The following AHNAK variants were observed in gnomAD, a reference collection of about 807,000 sequenced individuals.
AHNAK encodes the protein neuroblast differentiation-associated protein AHNAK.
A neutral mutation model predicts 37.8 loss-of-function variants in AHNAK; 23 were observed. The ratio of observed to expected loss-of-function variants is 0.61; its 90% CI spans 0.44 to 0.86. The LOEUF is 0.86. Ranked by LOEUF, AHNAK falls within the 40% of genes least tolerant of loss-of-function variation. The pLI is 0.00. For synonymous variants in AHNAK, 2,481 were observed against 2,636.3 expected (o/e 0.94, Z 1.80); for missense variants, 7,411 against 7,319.4 (o/e 1.01, Z -0.46).
intron 5 of AHNAK, among the ~76,000 whole-genome samples, chr11:62,439,019 A>C (rs997630203): frequency 1.3e-5 from 2 of 151,698 alleles, no homozygotes; most frequent in African/African-American, 4.8e-5. Flanking sequence ...AGCGGCCCTT[A>C]ACAGAGGTGG....
At chr11:62,490,793 T>G (rs943968404) in intron 5 of AHNAK, among the ~76,000 whole-genome samples, 1 of 150,264 alleles carries the variant, frequency 6.7e-6, no homozygotes, top group Admixed American at 6.6e-5. Context: ...TTGTTTTGTT[T>G]TGTTTTTTTG....
At chr11:62,475,597 T>C (rs1375588309) in intron 5 of AHNAK, among the ~76,000 whole-genome samples, 1 of 84,426 alleles carries the variant, frequency 1.2e-5, no homozygotes, top group East Asian at 2.6e-4. Flanking sequence ...TGTGGTTATG[T>C]TATACTTTTT....
Position 62,516,829 on chromosome 11 carries a change from G to A in AHNAK, c.17588C>T (p.Ser5863Phe). The change falls in exon 5 of 5, where the codon TCC (serine) becomes TTC (phenylalanine). Residue 5863 changes from serine (S) to phenylalanine (F), a missense_variant. By Grantham distance (155) the Ser-to-Phe change is radical (BLOSUM62 -2). Coordinates refer to ENST00000378024, the MANE Select transcript of AHNAK (RefSeq NM_001620.3). ...CCCACTGTCATTGCTAGAAGAGGAG[G>A]ACAGTCGGGACTTCTTAGAGGCCAG... ...VSLASKKSRLSSSSSNDSGNK... is the reference protein window; with the variant it reads ...VSLASKKSRLFSSSSNDSGNK... 6.2e-7 allele frequency: 1 copy of A among 1,614,200 alleles called. No homozygotes were observed. Among genetic ancestry groups the A allele is most frequent in the East Asian group, 2.2e-5 (1 of 44,880 alleles).
chr11:62,435,551 T>A (rs1318837035), intron 5 of AHNAK, among the ~76,000 whole-genome samples: 1 of 151,892 alleles, frequency 6.6e-6, no homozygotes, highest in Non-Finnish European at 1.5e-5. Context: ...AGCTGGGGAC[T>A]ACAGGCGCCC....
Position 62,523,990 on chromosome 11 carries a change from T to G in AHNAK, c.10427A>C (p.Lys3476Thr), listed in dbSNP as rs1464315838. ...HGPDWNLKMP[K>T]MKMPKFSVSG... ...CACACTGAATTTGGGCATTTTCATC[T>G]TGGGCATTTTCAGATTCCAGTCTGG... The change falls in exon 5 of 5, where the codon AAG becomes ACG. Residue 3476 changes from lysine (K) to threonine (T), a missense_variant. Physicochemically the swap from Lys to Thr is moderately conservative, Grantham distance 78. Coordinates refer to ENST00000378024, the MANE Select transcript of AHNAK (RefSeq NM_001620.3). The G allele has an allele frequency of 6.2e-7, 1 of 1,614,162 alleles. No individual in the cohort carries two copies. Among genetic ancestry groups the G allele is most frequent in the Non-Finnish European group, 8.5e-7 (1 of 1,180,036 alleles).
chr11:62,479,873 A>G (rs1464068977), intron 5 of AHNAK, among the ~76,000 whole-genome samples: 1 of 152,212 alleles, frequency 6.6e-6, no homozygotes, highest in Non-Finnish European at 1.5e-5. Context: ...AAGTGGCTTT[A>G]GGGAATATTC....
At chr11:62,508,603 G>A (rs974512523) in intron 4 of AHNAK, among the ~76,000 whole-genome samples, 7 of 152,260 alleles carry the variant, frequency 4.6e-5, no homozygotes, top group Admixed American at 1.3e-4. Flanking sequence ...GGCATTTAAA[G>A]GGAAATGAAA....
In AHNAK at chr11:62,525,262, T is replaced by C. The variant is rs192406056; in HGVS notation, c.9155A>G (p.Asp3052Gly). Residue 3052 changes from aspartate to glycine, a missense_variant, in exon 5 of 5, where the codon GAT becomes GGT. Asp to Gly is a moderately conservative substitution (Grantham distance 94, BLOSUM62 -1). Transcript: ENST00000378024. The part of the protein sequence containing the change: ...VDVNLPKADL[D>G]VSGPKVDIDV... The stretch of plus-strand genomic sequence containing the variant: ...AATGTCCACCTTGGGTCCTGAGACA[T>C]CAAGGTCAGCCTTGGGCAGGTTCAC... 1.5e-4 allele frequency: 238 copies of C among 1,613,058 alleles called. No individual in the cohort carries two copies. Among genetic ancestry groups the C allele is most frequent in the Non-Finnish European group, 1.9e-4 (228 of 1,179,806 alleles).
chr11:62,500,651 A>G (rs1484636815), intron 4 of AHNAK, among the ~76,000 whole-genome samples: 1 of 152,200 alleles, frequency 6.6e-6, no homozygotes, highest in Non-Finnish European at 1.5e-5. Flanking sequence ...AAATCGAGCT[A>G]TAGAACCGCC....
chr11:62,507,183 A>G (rs1451453963), intron 4 of AHNAK, among the ~76,000 whole-genome samples: 1 of 152,172 alleles, frequency 6.6e-6, no homozygotes, highest in Admixed American at 6.6e-5. Flanking sequence ...TGGGCTTTTC[A>G]GTCAGCACAG....
intron 4 of AHNAK, among the ~76,000 whole-genome samples, chr11:62,502,157 C>G (rs1939724032): frequency 6.6e-6 from 1 of 152,062 alleles, no homozygotes; most frequent in African/African-American, 2.4e-5. Context: ...GGCTTCAGGT[C>G]CTCGACTTCA....
rs1180695029 is a variant in AHNAK at position 62,524,189 on chromosome 11, T to C, written c.10228A>G (p.Ile3410Val). The change falls in exon 5 of 5, where the codon ATT (isoleucine) becomes GTT (valine). Residue 3410 changes from isoleucine to valine, a missense_variant. Ile to Val is a conservative substitution (Grantham distance 29, BLOSUM62 3). Transcript: ENST00000378024. ...GSKFKMPFLS[I>V]SSPKVSMPDV... ...GGCATAGAAACTTTGGGAGATGAAA[T>C]ACTCAGGAAAGGCATTTTAAACTTG... The C allele has an allele frequency of 2.5e-6, 4 of 1,613,750 alleles. No homozygotes were observed. Among genetic ancestry groups the C allele is most frequent in the East Asian group, 2.2e-5 (1 of 44,886 alleles).
In AHNAK at chr11:62,531,054, G is replaced by A. The variant is rs749715235; in HGVS notation, c.3363C>T (p.Asp1121=). 2.2e-5 allele frequency: 36 copies of A among 1,613,796 alleles called. No individual in the cohort carries two copies. In the South Asian group the frequency reaches 3.7e-4, roughly 17 times the overall value. The change falls in exon 5 of 5, where the codon GAC becomes GAT. Residue 1121 remains aspartate, a synonymous_variant. Transcript: ENST00000378024. ...TCATCTTGGGTATTTTCAGGCTCCA[G>A]TCCAGGCCTTGGCCTTCCACATCTG... ...KAPDVEGQGL[D]WSLKIPKMKM...
intron 5 of AHNAK, among the ~76,000 whole-genome samples, chr11:62,446,784 C>T (rs954525796): frequency 6.6e-6 from 1 of 152,030 alleles, no homozygotes; most frequent in African/African-American, 2.4e-5. Flanking sequence ...ATGCCTCCTT[C>T]AGGACGTGGG....
At position 62,526,294 on chromosome 11, in the gene AHNAK, G is replaced by A. The variant is rs1484605104; in HGVS notation, c.8123C>T (p.Ser2708Phe). Residue 2708 changes from serine (S) to phenylalanine (F), a missense_variant, in exon 5 of 5, where the codon TCC becomes TTC. Transcript: ENST00000378024. ...PEMNIKAPKI[S>F]MPDIDLNLKG... ...CAGGTTTAAGTCAATATCAGGCATG[G>A]AGATCTTGGGGGCTTTGATATTCAT... The A allele has an allele frequency of 3.1e-6, 5 of 1,613,768 alleles. No individual in the cohort carries two copies. The highest frequency in any genetic ancestry group is 3.4e-6 in the Non-Finnish European group (4 of 1,180,014).
chr11:62,511,274 G>A (rs2134182895), downstream of AHNAK, among the ~76,000 whole-genome samples: 1 of 150,512 alleles, frequency 6.6e-6, no homozygotes, highest in South Asian at 2.1e-4. Flanking sequence ...TTTGTTTTGA[G>A]ACGAGTCTCG....
Position 62,524,726 on chromosome 11 carries a change from G to A in AHNAK, c.9691C>T (p.Pro3231Ser). Residue 3231 changes from proline (P) to serine (S), a missense_variant, in exon 5 of 5, where the codon CCT becomes TCT. Physicochemically the swap from Pro to Ser is moderately conservative, Grantham distance 74. Coordinates refer to ENST00000378024, the MANE Select transcript of AHNAK (RefSeq NM_001620.3). ...ACATCCACCTCTCCTTTCATTTTAGGGCCTTTAAGATTGAGGTCCAAATCA... is the reference window on the plus strand; with the variant it reads ...ACATCCACCTCTCCTTTCATTTTAGAGCCTTTAAGATTGAGGTCCAAATCA... ...MPDLDLNLKG[P>S]KMKGEVDVSL... 6.2e-7 allele frequency: 1 copy of A among 1,614,040 alleles called. No individual in the cohort carries two copies. The highest frequency in any genetic ancestry group is 8.5e-7 in the Non-Finnish European group (1 of 1,180,018).
intron 5 of AHNAK, among the ~76,000 whole-genome samples, chr11:62,468,335 G>A (rs1214543109): frequency 1.4e-5 from 2 of 142,872 alleles, no homozygotes; most frequent in African/African-American, 5.1e-5. Context: ...GTGACAAAGC[G>A]AGACTCTGTC....
chr11:62,525,742 A>G lies in AHNAK; in HGVS notation c.8675T>C (p.Leu2892Pro), dbSNP rs745328117. Reference protein sequence around the residue: ...DVNVQGPDWHLKMPKMKMPKF... With the variant: ...DVNVQGPDWHPKMPKMKMPKF... The stretch of plus-strand genomic sequence containing the variant: ...GGGCATTTTCATCTTGGGCATCTTC[A>G]GGTGCCAGTCTGGACCCTGAACATT... Residue 2892 changes from leucine (L) to proline (P), a missense_variant, in exon 5 of 5, where the codon CTG (leucine) becomes CCG (proline). Leu to Pro is a moderately conservative substitution (Grantham distance 98). Transcript: ENST00000378024. The G allele has an allele frequency of 6.2e-7, 1 of 1,613,234 alleles. No individual in the cohort carries two copies. Among genetic ancestry groups the G allele is most frequent in the Non-Finnish European group, 8.5e-7 (1 of 1,179,910 alleles).
Sources: gnomAD v4.1 joint callset for allele counts (sites outside exome capture counted in the v4.1 genomes callset) on GRCh38, gnomAD v4.1.1 for gene constraint, MANE v1.5 for transcripts, NCBI Gene and HGNC (gene_info 2026-07-23, HGNC 2026-07-21) for gene names.